The following CYP39A1 variants were observed in gnomAD, a reference collection of about 807,000 sequenced individuals.
CYP39A1 encodes the protein 24-hydroxycholesterol 7-alpha-hydroxylase.
Under a neutral mutation model 58.1 loss-of-function variants are expected in CYP39A1, and 49 were observed. That is an observed-to-expected ratio of 0.84 (90% CI 0.67 to 1.07). CYP39A1 has a LOEUF of 1.07. Ranked by LOEUF, CYP39A1 falls within the 50% of genes least tolerant of loss-of-function variation. The probability of loss-of-function intolerance (pLI) is 0.00; values close to 1 mark genes in which losing one functional copy is unlikely to be tolerated. For synonymous variants in CYP39A1, 209 were observed against 187.6 expected (o/e 1.11, Z -0.93); for missense variants, 531 against 539.4 (o/e 0.98, Z 0.16).
chr6:46,560,463 C>T (rs750774841), intron 10 of CYP39A1, among the ~76,000 whole-genome samples: 25 of 152,086 alleles, frequency 1.6e-4, no homozygotes, highest in African/African-American at 5.6e-4. Flanking sequence ...CCAAAGTTTT[C>T]GACTTGAGGA....
intron 10 of CYP39A1, among the ~76,000 whole-genome samples, chr6:46,554,225 A>G (rs1770555981): frequency 6.6e-6 from 1 of 152,220 alleles, no homozygotes; most frequent in Non-Finnish European, 1.5e-5. Context: ...AAAATGGAAA[A>G]TTTCAGTTCC....
At chr6:46,609,998 T>C (rs1266506886) in intron 7 of CYP39A1, among the ~76,000 whole-genome samples, 1 of 152,222 alleles carries the variant, frequency 6.6e-6, no homozygotes, top group Non-Finnish European at 1.5e-5. Context: ...GCTGTGAAGT[T>C]AAATGTCTTT....
In CYP39A1 at chr6:46,597,050, C is replaced by T. The variant is rs1773211686; in HGVS notation, c.932-930G>A. ...TCTCCAGCCATGTCTCTCTTTGACTCTGGATGAGGCGTGTTCAAAAGCAAG... is the reference window on the plus strand; with the variant it reads ...TCTCCAGCCATGTCTCTCTTTGACTTTGGATGAGGCGTGTTCAAAAGCAAG... On this transcript the variant is annotated intron_variant, in intron 7 of 11. Coordinates refer to ENST00000275016, the MANE Select transcript of CYP39A1 (RefSeq NM_016593.5). 5.3e-5 allele frequency among the ~76,000 whole-genome samples: 8 copies of T among 152,178 alleles called. No homozygotes were observed. The South Asian group carries it at 1.7e-3, about 32-fold the overall frequency.
At chr6:46,594,403 C>T (rs928979291) in intron 8 of CYP39A1, among the ~76,000 whole-genome samples, 4 of 152,036 alleles carry the variant, frequency 2.6e-5, no homozygotes, top group African/African-American at 7.2e-5. Flanking sequence ...TATTTGACTT[C>T]AAAATATATT....
intron 9 of CYP39A1, among the ~76,000 whole-genome samples, chr6:46,587,686 AT>A (rs955502613): frequency 6.6e-6 from 1 of 152,122 alleles, no homozygotes; most frequent in African/African-American, 2.4e-5. Flanking sequence ...CTTTATTTGT[AT>A]TTTTTTGTAC....
intron 5 of CYP39A1, among the ~76,000 whole-genome samples, chr6:46,632,638 C>T (rs549740016): frequency 2.0e-5 from 3 of 152,034 alleles, no homozygotes; most frequent in Non-Finnish European, 4.4e-5. Context: ...AAATAGGGTC[C>T]AGTGTCTGTG....
At chr6:46,638,344 T>TAAC (rs908998798) in intron 3 of CYP39A1, among the ~76,000 whole-genome samples, 16 of 151,766 alleles carry the variant, frequency 1.1e-4, no homozygotes, top group East Asian at 1.9e-4. Context: ...ACAACAACAA[T>TAAC]AACAACAACA....
At chr6:46,614,781 T>C (rs962523036) in intron 7 of CYP39A1, among the ~76,000 whole-genome samples, 1 of 152,178 alleles carries the variant, frequency 6.6e-6, no homozygotes, top group African/African-American at 2.4e-5. Context: ...AAGTAGTTTA[T>C]GTAACTTTTA....
In CYP39A1 at chr6:46,642,346, T is replaced by A. The variant is rs1186965733; in HGVS notation, c.178-48A>T. The A allele has an allele frequency of 7.1e-6, 11 of 1,540,192 alleles. No homozygotes were observed. The African/African-American group carries it at 1.4e-4, about 19-fold the overall frequency. ...TATATTAGTAAGCATTCCTAAGCCATGTTTAAGACCATTCTCCTCAAGAAT... is the reference window on the plus strand; with the variant it reads ...TATATTAGTAAGCATTCCTAAGCCAAGTTTAAGACCATTCTCCTCAAGAAT... On this transcript the variant is annotated intron_variant, in intron 1 of 11. Coordinates refer to ENST00000275016, the MANE Select transcript of CYP39A1 (RefSeq NM_016593.5).
intron 10 of CYP39A1, among the ~76,000 whole-genome samples, chr6:46,566,306 G>A (rs1036668160): frequency 6.6e-6 from 1 of 152,082 alleles, no homozygotes; most frequent in South Asian, 2.1e-4. Flanking sequence ...ATAAAGGACT[G>A]CCCAAGACTG....
chr6:46,640,027 G>T (rs545061085), intron 2 of CYP39A1, among the ~76,000 whole-genome samples: 1 of 152,124 alleles, frequency 6.6e-6, no homozygotes, highest in African/African-American at 2.4e-5. Context: ...CAGAAGAATC[G>T]CTTGAACCCA....
At chr6:46,583,969 G>T (rs1171141409) in intron 10 of CYP39A1, among the ~76,000 whole-genome samples, 1 of 152,130 alleles carries the variant, frequency 6.6e-6, no homozygotes, top group Non-Finnish European at 1.5e-5. Flanking sequence ...TTTGGTGCAT[G>T]AGAAAATAAA....
At chr6:46,558,202 T>C (rs150959347) in intron 10 of CYP39A1, among the ~76,000 whole-genome samples, 1 of 152,244 alleles carries the variant, frequency 6.6e-6, no homozygotes, top group East Asian at 1.9e-4. Flanking sequence ...ATACTGTTTG[T>C]ATTCATCTGT....
At chr6:46,628,919 A>G (rs893271430) in intron 6 of CYP39A1, among the ~76,000 whole-genome samples, 1 of 152,254 alleles carries the variant, frequency 6.6e-6, no homozygotes, top group African/African-American at 2.4e-5. Context: ...CCTATGCTGA[A>G]CCAGGTGCTA....
At chr6:46,566,833 AT>A (rs397887862) in intron 10 of CYP39A1, among the ~76,000 whole-genome samples, 1 of 140,458 alleles carries the variant, frequency 7.1e-6, no homozygotes, top group South Asian at 2.2e-4. Context: ...AAATGAGATG[AT>A]TATATATATA....
At chr6:46,595,442 A>T (rs947528604) in intron 8 of CYP39A1, among the ~76,000 whole-genome samples, 6 of 152,086 alleles carry the variant, frequency 3.9e-5, no homozygotes, top group Admixed American at 6.6e-5. Flanking sequence ...TGACAACATG[A>T]ATGAAACTAG....
chr6:46,637,752 T>C, intron 4 of CYP39A1, 77 bp downstream of exon 4: 1 of 1,500,382 alleles, frequency 6.7e-7, no homozygotes, highest in South Asian at 1.2e-5. Context: ...TACATCTACT[T>C]AGAACAGAAA....
intron 7 of CYP39A1, among the ~76,000 whole-genome samples, chr6:46,613,428 A>G (rs1774334239): frequency 6.6e-6 from 1 of 152,226 alleles, no homozygotes; most frequent in African/African-American, 2.4e-5. Context: ...TAATCCAATG[A>G]AAATTCTGTA....
chr6:46,561,270 C>T (rs1303694127), intron 10 of CYP39A1, among the ~76,000 whole-genome samples: 1 of 152,006 alleles, frequency 6.6e-6, no homozygotes, highest in Non-Finnish European at 1.5e-5. Context: ...GTTTTAAGCC[C>T]TTCTCTAATA....
Sources: gnomAD v4.1 joint callset for allele counts (sites outside exome capture counted in the v4.1 genomes callset) on GRCh38, gnomAD v4.1.1 for gene constraint, MANE v1.5 for transcripts, NCBI Gene and HGNC (gene_info 2026-07-23, HGNC 2026-07-21) for gene names.